Variants in HCN1 observed in about 807,000 individuals in gnomAD.
The protein encoded by HCN1 is potassium/sodium hyperpolarization-activated cyclic nucleotide-gated channel 1.
HCN1 carries 13 observed loss-of-function variants against 78.9 expected under a neutral mutation model. The observed-to-expected ratio is 0.16, with a 90% CI of 0.11 to 0.26. The LOEUF is 0.26. Among genes scored for constraint, HCN1 ranks in the 10% least tolerant of loss-of-function variants. HCN1 has a pLI of 1.00. For synonymous variants in HCN1, 552 were observed against 455.5 expected (o/e 1.21, Z -2.70); for missense variants, 810 against 1,154.3 (o/e 0.70, Z 4.32).
intron 6 of HCN1, among the ~76,000 whole-genome samples, chr5:45,297,164 T>C (rs1745513251): frequency 6.6e-6 from 1 of 152,078 alleles, no homozygotes; most frequent in Non-Finnish European, 1.5e-5. Context: ...AAAGTATCTC[T>C]TATGGGAAAC....
rs533398291 is a variant in HCN1 at position 45,525,509 on chromosome 5, T to C, written c.850-63502A>G. On this transcript the variant is annotated intron_variant, in intron 2 of 7. Coordinates refer to ENST00000303230, the MANE Select transcript of HCN1 (RefSeq NM_021072.4). ...TAATTATTTTATATACTAATTAATA[T>C]ATTCCGTCTGTACAAATCCAATTGC... Among the ~76,000 whole-genome samples the C allele has an allele frequency of 6.6e-5, 10 of 151,764 alleles. No homozygotes were observed. The South Asian group carries it at 1.5e-3, about 22-fold the overall frequency.
intron 5 of HCN1, among the ~76,000 whole-genome samples, chr5:45,337,515 A>T (rs1239306492): frequency 6.6e-6 from 1 of 152,156 alleles, no homozygotes; most frequent in Admixed American, 6.6e-5. Flanking sequence ...AGTCACTCTG[A>T]GATGATTTGC....
At chr5:45,437,351 T>A (rs1223353751) in intron 3 of HCN1, among the ~76,000 whole-genome samples, 3 of 152,236 alleles carry the variant, frequency 2.0e-5, no homozygotes, top group Non-Finnish European at 2.9e-5. Flanking sequence ...TATATTTCAA[T>A]TTCTTTTTTA....
At chr5:45,387,156 A>G (rs1370321133) in intron 4 of HCN1, among the ~76,000 whole-genome samples, 1 of 151,926 alleles carries the variant, frequency 6.6e-6, no homozygotes, top group Admixed American at 6.6e-5. Flanking sequence ...TGTCTCATAT[A>G]TATATCAAAA....
chr5:45,569,426 C>G (rs1743780280), intron 2 of HCN1, among the ~76,000 whole-genome samples: 1 of 152,088 alleles, frequency 6.6e-6, no homozygotes, highest in Admixed American at 6.6e-5. Context: ...TTGAGAAATT[C>G]AGAAATAAGA....
At chr5:45,306,109 C>T (rs891045359) in intron 5 of HCN1, among the ~76,000 whole-genome samples, 1 of 151,812 alleles carries the variant, frequency 6.6e-6, no homozygotes, top group Non-Finnish European at 1.5e-5. Flanking sequence ...ATGAAAATAG[C>T]TAGATGAGTT....
chr5:45,359,748 C>T (rs1747074214), intron 4 of HCN1, among the ~76,000 whole-genome samples: 1 of 151,766 alleles, frequency 6.6e-6, no homozygotes, highest in Non-Finnish European at 1.5e-5. Context: ...AGACCTTCAT[C>T]TGCCAAAATA....
chr5:45,374,075 AT>A (rs1747523287), intron 4 of HCN1, among the ~76,000 whole-genome samples: 1 of 97,094 alleles, frequency 1.0e-5, no homozygotes, highest in Non-Finnish European at 2.0e-5. Flanking sequence ...AATATATATA[AT>A]ATCTATTACA....
At chr5:45,413,468 C>T (rs1740062571) in intron 3 of HCN1, among the ~76,000 whole-genome samples, 1 of 151,978 alleles carries the variant, frequency 6.6e-6, no homozygotes, top group South Asian at 2.1e-4. Flanking sequence ...TTGATAATGA[C>T]ATAGCTGACT....
chr5:45,587,844 T>C (rs1303626734), intron 2 of HCN1, among the ~76,000 whole-genome samples: 2 of 152,162 alleles, frequency 1.3e-5, no homozygotes, highest in Admixed American at 6.5e-5. Flanking sequence ...GTGGGACCTT[T>C]AGGATGTAAT....
At chr5:45,273,391 A>G (rs1347671885) in intron 6 of HCN1, among the ~76,000 whole-genome samples, 2 of 152,088 alleles carry the variant, frequency 1.3e-5, no homozygotes, top group African/African-American at 2.4e-5. Context: ...TTTTGCTGGC[A>G]TTAGTTAACC....
intron 1 of HCN1, among the ~76,000 whole-genome samples, chr5:45,680,484 C>T (rs906537087): frequency 6.6e-6 from 1 of 152,028 alleles, no homozygotes; most frequent in Non-Finnish European, 1.5e-5. Flanking sequence ...TGAAAGTTTT[C>T]ACTCTTCAGA....
intron 2 of HCN1, among the ~76,000 whole-genome samples, chr5:45,551,269 A>G (rs7729881): frequency 6.6e-6 from 1 of 151,964 alleles, no homozygotes; most frequent in African/African-American, 2.4e-5. Context: ...ACAGCAAACT[A>G]ATGACGAAAA....
chr5:45,681,051 G>A (rs560576077), intron 1 of HCN1, among the ~76,000 whole-genome samples: 1 of 152,138 alleles, frequency 6.6e-6, no homozygotes, highest in East Asian at 1.9e-4. Flanking sequence ...CAAGAACTGG[G>A]ATCACACATT....
intron 2 of HCN1, among the ~76,000 whole-genome samples, chr5:45,595,708 T>A (rs1744477543): frequency 6.6e-6 from 1 of 152,100 alleles, no homozygotes; most frequent in Non-Finnish European, 1.5e-5. Flanking sequence ...GCTATATGAC[T>A]TTATAATTTT....
At chr5:45,282,979 A>G (rs1745197731) in intron 6 of HCN1, among the ~76,000 whole-genome samples, 1 of 152,192 alleles carries the variant, frequency 6.6e-6, no homozygotes, top group Non-Finnish European at 1.5e-5. Context: ...AAATAAAATT[A>G]AGCTTTGTAA....
intron 1 of HCN1, among the ~76,000 whole-genome samples, chr5:45,666,039 G>A (rs962701873): frequency 6.6e-6 from 1 of 151,828 alleles, no homozygotes; most frequent in African/African-American, 2.4e-5. Context: ...CATTCTCCAT[G>A]CCCAATTGAG....
chr5:45,315,615 T>A (rs192009479), intron 5 of HCN1, among the ~76,000 whole-genome samples: 1 of 151,916 alleles, frequency 6.6e-6, no homozygotes. Flanking sequence ...AGAAAAACCA[T>A]GAATCCAGGA....
chr5:45,559,210 A>C (rs918573313), intron 2 of HCN1: 1 of 152,108 alleles, frequency 6.6e-6, no homozygotes, highest in African/African-American at 2.4e-5. Flanking sequence ...GATATGTACA[A>C]GGAAATTAAT....
Sources: allele counts gnomAD v4.1 joint callset (sites outside exome capture counted in the v4.1 genomes callset), GRCh38; gene constraint gnomAD v4.1.1; transcripts MANE v1.5; gene names NCBI Gene and HGNC (gene_info 2026-07-23, HGNC 2026-07-21).